The following BCOR variants were observed in gnomAD, a reference collection of about 807,000 sequenced individuals.
BCOR encodes BCL6 corepressor.
BCOR carries 10 observed loss-of-function variants against 86.7 expected under a neutral mutation model. The observed-to-expected ratio is 0.12, with a 90% CI of 0.07 to 0.20. The LOEUF (loss-of-function observed/expected upper bound fraction) is 0.20, where lower values mean the gene tolerates loss of function less well. BCOR is among the 10% of genes least tolerant of loss of function. The probability of loss-of-function intolerance (pLI) is 1.00; values close to 1 mark genes in which losing one functional copy is unlikely to be tolerated. For missense variants in BCOR, 1,259 were observed against 1,452.1 expected, an observed-to-expected ratio of 0.87 and a Z score of 2.16; for synonymous variants, 611 against 609.0, an observed-to-expected ratio of 1.00 and a Z score of -0.05.
intron 1 of BCOR, among the ~76,000 whole-genome samples, chrX:40,149,642 G>A (rs1425076315): frequency 5.4e-5 from 6 of 111,312 alleles, no homozygotes; most frequent in East Asian, 2.8e-4. Context: ...AGCCAGGTGC[G>A]CGGAGTTGCT....
intron 1 of BCOR, among the ~76,000 whole-genome samples, chrX:40,156,952 G>C (rs1047713959): frequency 1.8e-5 from 2 of 113,778 alleles, no homozygotes; most frequent in African/African-American, 6.4e-5. Flanking sequence ...ACTGGACCGG[G>C]CAGGAGGTGG....
At chrX:40,145,246 C>T (rs985705850) in intron 1 of BCOR, among the ~76,000 whole-genome samples, 4 of 111,546 alleles carry the variant, frequency 3.6e-5, no homozygotes, top group African/African-American at 6.5e-5. Context: ...AGGCGAACAG[C>T]TCCGGACTGG....
intron 1 of BCOR, among the ~76,000 whole-genome samples, chrX:40,118,869 G>A (rs999998804): frequency 1.5e-4 from 17 of 112,131 alleles, no homozygotes; most frequent in Non-Finnish European, 2.6e-4. Flanking sequence ...GGCTCGCTCT[G>A]TTGCCCAGGC....
At chrX:40,072,309 C>G in intron 4 of BCOR, 40 bp downstream of exon 4, 4 of 1,177,658 alleles carry the variant, frequency 3.4e-6, no homozygotes, top group Non-Finnish European at 4.6e-6. Flanking sequence ...AAAAAACTGA[C>G]AACTGGTAAA....
In BCOR at chrX:40,073,122, TCTC is replaced by T; in HGVS notation, c.2221_2223del (p.Glu741del). 1.7e-6 allele frequency: 2 copies of T among 1,212,049 alleles called. No homozygotes were observed. The highest frequency in any genetic ancestry group is 2.2e-6 in the Non-Finnish European group (2 of 895,575). ...TGGGACCGGGATCTCCTCTCTGGTTTCTCCTCTTTAGTAATCTCTATGGGCGTG... is the reference window on the plus strand; with the variant it reads ...TGGGACCGGGATCTCCTCTCTGGTTTCTCTTTAGTAATCTCTATGGGCGTG... On this transcript the variant is annotated inframe_deletion, in exon 4 of 15. Coordinates refer to ENST00000378444, the MANE Select transcript of BCOR (RefSeq NM_001123385.2).
chrX:40,075,934 G>C (rs1935787311), intron 3 of BCOR, among the ~76,000 whole-genome samples: 1 of 111,265 alleles, frequency 9.0e-6, no homozygotes, highest in Non-Finnish European at 1.9e-5. Flanking sequence ...GTGGGTGTTC[G>C]CTTCATTTCC....
In BCOR at chrX:40,073,610, T is replaced by A. The variant is rs751737998; in HGVS notation, c.1736A>T (p.Asp579Val). The change falls in exon 4 of 15, where the codon GAT becomes GTT. Residue 579 changes from aspartate (D) to valine (V), a missense_variant. By Grantham distance (152) the Asp-to-Val change is radical. Around this residue, in one of 7 missense-constraint regions of BCOR, gnomAD observed 534 missense variants for 594.8 expected, o/e 0.90. Transcript: ENST00000378444. ...SASPAPNANA[D>V]GTKTSRSSVE... ...AGAGCTCCTGCTGGTTTTGGTGCCA[T>A]CTGCATTGGCATTGGGGGCGGGTGA... 8.3e-7 allele frequency: 1 copy of A among 1,212,106 alleles called. No individual in the cohort carries two copies. Among genetic ancestry groups the A allele is most frequent in the Non-Finnish European group, 1.1e-6 (1 of 895,646 alleles).
intron 1 of BCOR, among the ~76,000 whole-genome samples, chrX:40,117,522 G>C (rs994704230): frequency 1.9e-5 from 2 of 106,851 alleles, no homozygotes; most frequent in Non-Finnish European, 3.8e-5. Flanking sequence ...ACCCAGCAAA[G>C]ATAAATAGAA....
chrX:40,072,075 G>A, intron 4 of BCOR: 1 of 421,836 alleles, frequency 2.4e-6, no homozygotes, highest in East Asian at 3.9e-5. Flanking sequence ...ACGTCATGCA[G>A]TCTTTAGATA....
Position 40,072,829 on chromosome X carries a change from C to T in BCOR, c.2517G>A (p.Lys839=). 2.5e-6 allele frequency: 3 copies of T among 1,211,637 alleles called. No individual in the cohort carries two copies. The highest frequency in any genetic ancestry group is 3.4e-6 in the Non-Finnish European group (3 of 895,478). The stretch of plus-strand genomic sequence containing the variant: ...GCTGCAGGGCCGGCTCAACTGAGGG[C>T]TTGGGGGGCTCAGCGCTCTGGCCAA... ...ESVGQSAEPP[K]PSVEPALQQH... is the part of the protein sequence containing the mutation. The change falls in exon 4 of 15, where the codon AAG becomes AAA. Residue 839 remains lysine (K), a synonymous_variant. Coordinates refer to ENST00000378444, the MANE Select transcript of BCOR (RefSeq NM_001123385.2).
Position 40,057,229 on chromosome X carries a change from C to A in BCOR, c.4521G>T (p.Arg1507Ser), listed in dbSNP as rs1934644450. 6 of 1,210,587 alleles carry A rather than the reference C, an allele frequency of 5.0e-6. No individual in the cohort carries two copies. Among genetic ancestry groups the A allele is most frequent in the Non-Finnish European group, 6.7e-6 (6 of 895,279 alleles). Residue 1507 changes from arginine to serine, a missense_variant, in exon 11 of 15, where the codon AGG becomes AGT. This residue lies in a region of BCOR where 47 missense variants were observed against 102.1 expected (regional missense o/e 0.46). Coordinates refer to ENST00000378444, the MANE Select transcript of BCOR (RefSeq NM_001123385.2). The part of the protein sequence containing the change: ...GYCALHEACA[R>S]GWLNIVRHLL... ...GGTGTCGCACAATGTTGAGCCAGCCCCTAGCACAAGCTTCATGCAGGGCGC... is the reference window on the plus strand; with the variant it reads ...GGTGTCGCACAATGTTGAGCCAGCCACTAGCACAAGCTTCATGCAGGGCGC...
At position 40,072,175 on chromosome X, in the gene BCOR, T is replaced by C. The variant is rs1346955599; in HGVS notation, c.2997+174A>G. On this transcript the variant is annotated intron_variant, in intron 4 of 14. Transcript: ENST00000378444. ...ATAACTTAAAGCATCCAGACACGCC[T>C]CAGTGCTACCACTCACGTTCTCTTA... 9 of 490,810 alleles carry C rather than the reference T, an allele frequency of 1.8e-5. No individual in the cohort carries two copies. The Admixed American group carries it at 2.9e-4, about 16-fold the overall frequency. The allele number at this position is 490,810 out of a possible 1,213,427, so 40.4% of individuals were successfully genotyped here.
intron 6 of BCOR, among the ~76,000 whole-genome samples, chrX:40,065,656 T>C (rs896036401): frequency 8.9e-6 from 1 of 112,077 alleles, no homozygotes; most frequent in African/African-American, 3.2e-5. Flanking sequence ...TCACAATTTT[T>C]CTAATACACA....
chrX:40,167,393 C>T (rs914416520), intron 1 of BCOR, among the ~76,000 whole-genome samples: 1 of 112,339 alleles, frequency 8.9e-6, no homozygotes, highest in Non-Finnish European at 1.9e-5. Flanking sequence ...ACTCTGTGCC[C>T]GGCGCCTGTC....
chrX:40,174,615 C>G (rs1482547966), intron 1 of BCOR, among the ~76,000 whole-genome samples: 1 of 112,588 alleles, frequency 8.9e-6, no homozygotes, highest in Non-Finnish European at 1.9e-5. Flanking sequence ...TACCGACAAC[C>G]CCAGGCGGGA....
chrX:40,132,667 T>G (rs1306484375), intron 1 of BCOR, among the ~76,000 whole-genome samples: 1 of 112,354 alleles, frequency 8.9e-6, no homozygotes, highest in Non-Finnish European at 1.9e-5. Flanking sequence ...CACTTGAAAC[T>G]GAGGTGCAGA....
Position 40,055,388 on chromosome X carries a change from A to C in BCOR, c.4721T>G (p.Leu1574Arg), listed in dbSNP as rs1934540535. 2.5e-6 allele frequency: 3 copies of C among 1,211,402 alleles called. No homozygotes were observed. The Middle Eastern group carries it at 6.9e-4, about 278-fold the overall frequency. Residue 1574 changes from leucine (L) to arginine (R), a missense_variant, in exon 12 of 15, where the codon CTT becomes CGT. Physicochemically the swap from Leu to Arg is moderately radical, Grantham distance 102. Transcript: ENST00000378444. The part of the protein sequence containing the change: ...RTIMKMTHSE[L>R]MEKFLTDYLN... ...CATACCTGTTAAGAACTTTTCCATAAGTTCACTGTGGGTCATTTTCATGAT... is the reference window on the plus strand; with the variant it reads ...CATACCTGTTAAGAACTTTTCCATACGTTCACTGTGGGTCATTTTCATGAT...
intron 3 of BCOR, 137 bp from the exon 4 acceptor site, chrX:40,075,317 GCGGGGGT>G: frequency 4.2e-6 from 2 of 470,705 alleles, no homozygotes; most frequent in Non-Finnish European, 7.1e-6. Flanking sequence ...TTCCGGCGGG[GCGGGGGT>G]GGGGGGTCTG....
In BCOR at chrX:40,128,987, C is replaced by A. The variant is rs146769044; in HGVS notation, c.-41+48020G>T. ...CCCTTATTCAATCCTCATGGAAGTA[C>A]GGTCAAAATGAGGCACTAGTCACAA... On this transcript the variant is annotated intron_variant, in intron 1 of 14. Coordinates refer to the BCOR transcript ENST00000342274. Among the ~76,000 whole-genome samples, 308 of 112,017 alleles carry A rather than the reference C, an allele frequency of 2.7e-3. 2 individuals are homozygous for A. The highest frequency in any genetic ancestry group is 9.7e-3 in the African/African-American group (298 of 30,828).
Sources: allele counts gnomAD v4.1 joint callset (sites outside exome capture counted in the v4.1 genomes callset), GRCh38; gene constraint gnomAD v4.1.1; regional missense constraint gnomAD v4.1.1; transcripts MANE v1.5; gene names NCBI Gene and HGNC (gene_info 2026-07-23, HGNC 2026-07-21).